CLYBL: variants seen among roughly 807,000 people sequenced by gnomAD.
CLYBL encodes citramalyl-CoA lyase.
A neutral mutation model predicts 38.9 loss-of-function variants in CLYBL; 31 were observed. The ratio of observed to expected loss-of-function variants is 0.80; its 90% CI spans 0.60 to 1.08. The LOEUF (loss-of-function observed/expected upper bound fraction) is 1.08, where lower values mean the gene tolerates loss of function less well. CLYBL is among the 50% of genes least tolerant of loss of function. The pLI is 0.00. For missense variants in CLYBL, 434 were observed against 411.6 expected (o/e 1.05, Z -0.47); for synonymous variants, 171 against 158.6 (o/e 1.08, Z -0.59).
At chr13:99,711,403 CTTT>C (rs71215540) in intron 1 of CLYBL, among the ~76,000 whole-genome samples, 1 of 83,188 alleles carries the variant, frequency 1.2e-5, no homozygotes, top group Non-Finnish European at 2.1e-5. Flanking sequence ...GGGAGTCCGT[CTTT>C]TTTTTTTTTT....
intron 8 of CLYBL, among the ~76,000 whole-genome samples, chr13:99,904,045 T>TAA (rs57462379): frequency 0.15 from 20,990 of 143,534 alleles, 1,707 homozygotes; most frequent in African/African-American, 0.22. Flanking sequence ...ACCCCTCTCT[T>TAA]AAAAAAAAAA....
chr13:99,719,728 A>C (rs757181439), intron 1 of CLYBL, among the ~76,000 whole-genome samples: 150 of 151,914 alleles, frequency 9.9e-4, no homozygotes, highest in Non-Finnish European at 2.0e-3. Flanking sequence ...GGCTGGTCTC[A>C]AACTCCTGAC....
chr13:99,883,067 C>T (rs2052255589), intron 7 of CLYBL, among the ~76,000 whole-genome samples: 1 of 152,148 alleles, frequency 6.6e-6, no homozygotes. Flanking sequence ...GAAAAGGAAA[C>T]AGGTGGTTCA....
rs575518374 is a variant in CLYBL at position 99,767,844 on chromosome 13, G to A, written c.63-4980G>A. Among the ~76,000 whole-genome samples the A allele has an allele frequency of 5.9e-5, 9 of 152,164 alleles. 1 individual carries two copies. The South Asian group carries it at 1.7e-3, about 28-fold the overall frequency. ...ACTGGTATTTCCATTTTGTTCATACGTCATTATCTTGATGTCCTTCACTTC... is the reference window on the plus strand; with the variant it reads ...ACTGGTATTTCCATTTTGTTCATACATCATTATCTTGATGTCCTTCACTTC... On this transcript the variant is annotated intron_variant, in intron 1 of 8. Coordinates refer to ENST00000339105, the MANE Select transcript of CLYBL (RefSeq NM_206808.5).
intron 2 of CLYBL, among the ~76,000 whole-genome samples, chr13:99,858,214 A>ATGT (rs1197365395): frequency 2.0e-5 from 3 of 152,182 alleles, no homozygotes; most frequent in African/African-American, 7.2e-5. Context: ...AAGAAAAAAA[A>ATGT]AGTATTTGTC....
intron 2 of CLYBL, among the ~76,000 whole-genome samples, chr13:99,850,448 C>A (rs2051304526): frequency 1.3e-5 from 2 of 152,166 alleles, no homozygotes; most frequent in South Asian, 4.1e-4. Context: ...CAAAACAAAA[C>A]CCATTGAGCA....
At chr13:99,800,902 AAAAAC>A (rs1355490759) in intron 2 of CLYBL, among the ~76,000 whole-genome samples, 4 of 133,174 alleles carry the variant, frequency 3.0e-5, no homozygotes, top group Admixed American at 2.2e-4. Flanking sequence ...AACAAAAAAA[AAAAAC>A]AAAAAAAAAA....
intron 2 of CLYBL, among the ~76,000 whole-genome samples, chr13:99,800,913 A>T (rs1021827105): frequency 6.6e-6 from 1 of 151,976 alleles, no homozygotes; most frequent in East Asian, 1.9e-4. Flanking sequence ...AAAACAAAAA[A>T]AAAAAAACGT....
intron 1 of CLYBL, among the ~76,000 whole-genome samples, chr13:99,695,532 T>A (rs1271118989): frequency 7.2e-5 from 11 of 152,130 alleles, no homozygotes; most frequent in Admixed American, 5.9e-4. Context: ...TTTTCCTTTT[T>A]GTTTTGAGAC....
chr13:99,621,528 C>G (rs1001662337), intron 1 of CLYBL, among the ~76,000 whole-genome samples: 6 of 152,178 alleles, frequency 3.9e-5, no homozygotes, highest in Non-Finnish European at 8.8e-5. Flanking sequence ...CCTCTCCTCT[C>G]CCACCCACAC....
At chr13:99,833,808 G>T (rs7337811) in intron 2 of CLYBL, among the ~76,000 whole-genome samples, 121,432 of 150,896 alleles carry the variant, frequency 0.8, 49,560 homozygotes, top group African/African-American at 0.93. Context: ...GTTCAAGTGA[G>T]TCTCCTTCCT....
intron 2 of CLYBL, among the ~76,000 whole-genome samples, chr13:99,827,862 C>T (rs145831823): frequency 2.2e-4 from 34 of 152,346 alleles, no homozygotes; most frequent in Admixed American, 1.1e-3. Context: ...GGCTCACTTG[C>T]GCAGAGGAGG....
chr13:99,689,007 C>T (rs1490708226), intron 1 of CLYBL, among the ~76,000 whole-genome samples: 1 of 152,052 alleles, frequency 6.6e-6, no homozygotes, highest in African/African-American at 2.4e-5. Flanking sequence ...CCAGGTCTGC[C>T]CACTCAGTTT....
intron 1 of CLYBL, among the ~76,000 whole-genome samples, chr13:99,751,163 C>A (rs1166375469): frequency 6.6e-6 from 1 of 152,078 alleles, no homozygotes; most frequent in African/African-American, 2.4e-5. Context: ...GAATATTATT[C>A]AGCCTTAAAA....
chr13:99,631,271 G>C (rs1258936166), intron 1 of CLYBL, among the ~76,000 whole-genome samples: 3 of 151,944 alleles, frequency 2.0e-5, no homozygotes, highest in African/African-American at 7.3e-5. Flanking sequence ...GCAGTGACCT[G>C]AGATAGTGCC....
chr13:99,744,382 A>G (rs1371696234), intron 1 of CLYBL, among the ~76,000 whole-genome samples: 1 of 152,182 alleles, frequency 6.6e-6, no homozygotes, highest in African/African-American at 2.4e-5. Flanking sequence ...AGTGTGAGGG[A>G]AAAGTTCTGA....
intron 2 of CLYBL, among the ~76,000 whole-genome samples, chr13:99,826,893 T>C (rs1175797760): frequency 6.6e-6 from 1 of 152,186 alleles, no homozygotes; most frequent in Non-Finnish European, 1.5e-5. Flanking sequence ...CCCGAGGCAG[T>C]GGGACTCACG....
intron 1 of CLYBL, among the ~76,000 whole-genome samples, chr13:99,633,492 A>G (rs926605021): frequency 2.0e-5 from 3 of 149,458 alleles, no homozygotes; most frequent in Non-Finnish European, 4.4e-5. Flanking sequence ...CCAAGATGGC[A>G]CCACTGTACT....
rs185388264 is a variant in CLYBL at position 99,781,344 on chromosome 13, C to G, written c.249+8334C>G. On this transcript the variant is annotated intron_variant, in intron 2 of 8. Transcript: ENST00000339105. ...CACCACCATGCCCAGCTAATTTTTT[C>G]TATTTTTAGTAGAGATGGGGTTTCA... Among the ~76,000 whole-genome samples, 333 of 151,292 alleles carry G rather than the reference C, an allele frequency of 2.2e-3. 5 individuals carry two copies. The highest frequency in any genetic ancestry group is 9.2e-4 in the Non-Finnish European group (62 of 67,728).
Sources: gnomAD v4.1 joint callset for allele counts (sites outside exome capture counted in the v4.1 genomes callset) on GRCh38, gnomAD v4.1.1 for gene constraint, MANE v1.5 for transcripts, NCBI Gene and HGNC (gene_info 2026-07-23, HGNC 2026-07-21) for gene names.